TRAPPC9: variants seen among roughly 807,000 people sequenced by gnomAD.
TRAPPC9 encodes IKK2 binding protein.
TRAPPC9 carries 83 observed loss-of-function variants against 124.0 expected under a neutral mutation model. The ratio of observed to expected loss-of-function variants is 0.67; its 90% confidence interval spans 0.56 to 0.80. The LOEUF (loss-of-function observed/expected upper bound fraction) is 0.80. Ranked by LOEUF, TRAPPC9 falls within the 30% of genes least tolerant of loss-of-function variation. The pLI, the probability that TRAPPC9 is intolerant of heterozygous loss-of-function variation, is 0.00. For missense variants in TRAPPC9, 1,302 were observed against 1,508.3 expected (o/e 0.86, Z 2.27); for synonymous variants, 638 against 617.5 (o/e 1.03, Z -0.49).
chr8:140,107,155 C>T (rs1377566076), intron 17 of TRAPPC9, among the ~76,000 whole-genome samples: 1 of 152,142 alleles, frequency 6.6e-6, no homozygotes, highest in South Asian at 2.1e-4. Context: ...TTGAAACCAC[C>T]ACCAGGAGCA....
At chr8:140,307,164 C>T (rs917818199) in intron 10 of TRAPPC9, among the ~76,000 whole-genome samples, 2 of 152,300 alleles carry the variant, frequency 1.3e-5, no homozygotes, top group African/African-American at 4.8e-5. Flanking sequence ...TACTAAAAGG[C>T]ACCTGCTCTC....
intron 21 of TRAPPC9, among the ~76,000 whole-genome samples, chr8:139,749,946 C>T (rs1178834188): frequency 2.0e-5 from 3 of 152,162 alleles, no homozygotes; most frequent in African/African-American, 7.2e-5. Context: ...CCAGACACTC[C>T]CTCTGTCCTA....
intron 18 of TRAPPC9, among the ~76,000 whole-genome samples, chr8:140,017,120 T>C (rs1035202087): frequency 2.6e-5 from 4 of 152,252 alleles, no homozygotes; most frequent in African/African-American, 9.6e-5. Flanking sequence ...CTTTTTAGAA[T>C]TGTACAACTT....
At chr8:139,779,773 A>G (rs1445564913) in intron 21 of TRAPPC9, among the ~76,000 whole-genome samples, 1 of 151,424 alleles carries the variant, frequency 6.6e-6, no homozygotes, top group Non-Finnish European at 1.5e-5. Context: ...TAGAAAATCT[A>G]AAAGAATTGA....
At chr8:140,081,967 G>A (rs77686255) in intron 17 of TRAPPC9, 4,440 of 152,294 alleles carry the variant, frequency 0.029, 240 homozygotes, top group African/African-American at 0.1. Context: ...TCTCCCAGGG[G>A]ACCACGCACA....
intron 17 of TRAPPC9, among the ~76,000 whole-genome samples, chr8:140,122,452 A>G (rs369645838): frequency 7.2e-5 from 11 of 152,230 alleles, no homozygotes; most frequent in African/African-American, 2.7e-4. Flanking sequence ...AAAGCAATAG[A>G]TAACTATTGC....
intron 6 of TRAPPC9, among the ~76,000 whole-genome samples, chr8:140,401,243 T>G (rs1162645002): frequency 6.6e-6 from 1 of 152,212 alleles, no homozygotes; most frequent in African/African-American, 2.4e-5. Context: ...TAAAATCATG[T>G]ACAAGGTGGG....
intron 16 of TRAPPC9, among the ~76,000 whole-genome samples, chr8:140,240,858 CAG>C (rs975985814): frequency 1.3e-5 from 2 of 152,208 alleles, no homozygotes; most frequent in Non-Finnish European, 2.9e-5. Context: ...CTTCTTAAAA[CAG>C]AGTTTCCCAT....
intron 21 of TRAPPC9, among the ~76,000 whole-genome samples, chr8:139,839,772 G>A (rs1438366234): frequency 6.6e-6 from 1 of 152,170 alleles, no homozygotes; most frequent in East Asian, 1.9e-4. Context: ...GTTCCAGGGT[G>A]AGCAAACGGA....
chr8:140,433,906 T>A (rs1028105755), intron 4 of TRAPPC9, among the ~76,000 whole-genome samples: 3 of 152,228 alleles, frequency 2.0e-5, no homozygotes, highest in Admixed American at 1.3e-4. Flanking sequence ...CTTTTCTGCA[T>A]GGCAGGTGGG....
At chr8:140,215,174 T>G (rs2063161198) in intron 17 of TRAPPC9, among the ~76,000 whole-genome samples, 1 of 152,046 alleles carries the variant, frequency 6.6e-6, no homozygotes, top group Non-Finnish European at 1.5e-5. Flanking sequence ...ATCCACCACA[T>G]TCACTACTGA....
intron 21 of TRAPPC9, among the ~76,000 whole-genome samples, chr8:139,855,594 G>A (rs1827749216): frequency 6.6e-6 from 1 of 152,230 alleles, no homozygotes; most frequent in Non-Finnish European, 1.5e-5. Context: ...TGGAAGGTGA[G>A]GGAGTGGGAA....
At chr8:139,836,399 A>G (rs977745458) in intron 21 of TRAPPC9, among the ~76,000 whole-genome samples, 2 of 152,154 alleles carry the variant, frequency 1.3e-5, no homozygotes, top group African/African-American at 4.8e-5. Flanking sequence ...CCGGCACTCG[A>G]TGTGTGTGTT....
At chr8:140,012,886 T>C (rs1287416968) in intron 18 of TRAPPC9, among the ~76,000 whole-genome samples, 1 of 152,130 alleles carries the variant, frequency 6.6e-6, no homozygotes, top group Non-Finnish European at 1.5e-5. Context: ...TTCTGAAAAG[T>C]GGCAACACCT....
chr8:139,799,097 A>G (rs1298787938), intron 21 of TRAPPC9, among the ~76,000 whole-genome samples: 3 of 152,148 alleles, frequency 2.0e-5, no homozygotes, highest in Non-Finnish European at 4.4e-5. Flanking sequence ...CCCCGCTCAA[A>G]TCTCATGTTG....
At chr8:140,331,215 T>A (rs530322157) in intron 9 of TRAPPC9, among the ~76,000 whole-genome samples, 1 of 151,512 alleles carries the variant, frequency 6.6e-6, no homozygotes, top group Non-Finnish European at 1.5e-5. Flanking sequence ...GAGCATCCAC[T>A]GGGAAAAAGA....
rs73355345 is a variant in TRAPPC9, at chr8:140,008,181, T to C, written c.2699+15756A>G. Among the ~76,000 whole-genome samples the C allele has an allele frequency of 8.0e-3, 1,223 of 152,310 alleles. 14 individuals carry two copies. Among genetic ancestry groups the C allele is most frequent in the African/African-American group, 0.028 (1,165 of 41,564 alleles). ...TAAGGGATGGGATGAAGCAGATACA[T>C]TGAATTGTTAAGTTCCCTTCCAACA... On this transcript the variant is annotated intron_variant, in intron 18 of 22. Coordinates refer to ENST00000438773, the MANE Select transcript of TRAPPC9 (RefSeq NM_001160372.4).
chr8:139,978,273 G>A (rs1364194328), intron 19 of TRAPPC9, among the ~76,000 whole-genome samples: 1 of 152,180 alleles, frequency 6.6e-6, no homozygotes, highest in African/African-American at 2.4e-5. Context: ...AGGAAAAGAG[G>A]TGAACAGTCA....
At chr8:140,034,949 G>A (rs539438579) in intron 17 of TRAPPC9, among the ~76,000 whole-genome samples, 9 of 152,364 alleles carry the variant, frequency 5.9e-5, no homozygotes, top group East Asian at 1.9e-4. Context: ...CTGGGTTCCC[G>A]AAGGAAGGCC....
Sources: gnomAD v4.1 joint callset for allele counts (sites outside exome capture counted in the v4.1 genomes callset) on GRCh38, gnomAD v4.1.1 for gene constraint, MANE v1.5 for transcripts, NCBI Gene and HGNC (gene_info 2026-07-23, HGNC 2026-07-21) for gene names.